The following RAI1 variants were observed in gnomAD, a reference collection of about 807,000 sequenced individuals.
RAI1 encodes the protein retinoic acid induced 1.
Under a neutral mutation model 123.8 loss-of-function variants are expected in RAI1, and 9 were observed. That is an observed-to-expected ratio of 0.07 (90% CI 0.04 to 0.13). The LOEUF is 0.13. Among genes scored for constraint, RAI1 ranks in the 10% least tolerant of loss-of-function variants. The pLI is 1.00. For synonymous variants in RAI1, 1,231 were observed against 1,127.3 expected (o/e 1.09, Z -1.84); for missense variants, 2,256 against 2,545.8 (o/e 0.89, Z 2.45).
chr17:17,708,427 CAT>C (rs57594840), intron 1 of RAI1, among the ~76,000 whole-genome samples: 61,374 of 151,322 alleles, frequency 0.41, 13,103 homozygotes, highest in Middle Eastern at 0.51. Context: ...CACACACACA[CAT>C]ATATATATAT....
rs1380725873 is a variant in RAI1, at chr17:17,714,903, G to T, written c.-148-9125G>T. Among the ~76,000 whole-genome samples, 1 of 152,260 alleles carries T rather than the reference G, an allele frequency of 6.6e-6. No individual in the cohort carries two copies. The highest frequency in any genetic ancestry group is 1.5e-5 in the Non-Finnish European group (1 of 68,052). ...CTCGGCCTAGGAGCTTTCTTGCTCA[G>T]CTTGGGGAGAGAGGTAGTAATGTCG... On this transcript the variant is annotated intron_variant, in intron 1 of 5. Transcript: ENST00000353383. This position sits in a 1 kb window ranked among gnomAD's most constrained non-coding sequence, Gnocchi z 4.9.
chr17:17,760,728 C>T (rs958623207), intron 2 of RAI1, among the ~76,000 whole-genome samples: 1 of 152,244 alleles, frequency 6.6e-6, no homozygotes, highest in Non-Finnish European at 1.5e-5. Flanking sequence ...AAAATGTGTT[C>T]CAGGTGCTGG....
In RAI1 at chr17:17,809,213, C is replaced by CGTGGA. The variant is rs140447784; in HGVS notation, c.5660-163_5660-159dup. ...GCCAGGCCAGGGGCCGCACCCGCGC[C>CGTGGA]GTGGAGTGGAGTGGAGTGTGGAGGG... On this transcript the variant is annotated intron_variant, in intron 4 of 5. Transcript: ENST00000353383. The surrounding 1 kb of genome is among the most constrained non-coding windows in gnomAD (Gnocchi z 4.9). The CGTGGA allele has an allele frequency of 3.2e-3, 2,311 of 719,732 alleles. 21 individuals are homozygous for CGTGGA. The highest frequency in any genetic ancestry group is 0.028 in the Middle Eastern group (118 of 4,214). 44.6% of individuals were successfully genotyped at this position (719,732 alleles called of 1,614,324 possible). A position where few individuals can be genotyped will look rare whatever the true frequency, so the allele number is the denominator to read the frequency against.
At chr17:17,762,994 G>A (rs2030769286) in intron 2 of RAI1, among the ~76,000 whole-genome samples, 1 of 151,912 alleles carries the variant, frequency 6.6e-6, no homozygotes, top group Admixed American at 6.6e-5. Flanking sequence ...GGGATTCCGA[G>A]GCCAGAGCTG....
At chr17:17,742,939 G>A (rs1916692378) in intron 2 of RAI1, among the ~76,000 whole-genome samples, 1 of 152,162 alleles carries the variant, frequency 6.6e-6, no homozygotes, top group Admixed American at 6.5e-5. Flanking sequence ...GTCTCTGTGG[G>A]GTGAATGTAG....
intron 1 of RAI1, among the ~76,000 whole-genome samples, chr17:17,696,393 TC>T (rs1915035225): frequency 6.6e-6 from 1 of 152,202 alleles, no homozygotes; most frequent in Non-Finnish European, 1.5e-5. Flanking sequence ...ACAGTTGTCT[TC>T]CCTCAACCCC....
Position 17,809,163 on chromosome 17 carries a change from G to T in RAI1, c.5660-227G>T, listed in dbSNP as rs774408237. 2 of 627,956 alleles carry T rather than the reference G, an allele frequency of 3.2e-6. No homozygotes were observed. Among genetic ancestry groups the T allele is most frequent in the African/African-American group, 1.8e-5 (1 of 54,720 alleles). 38.9% of individuals were successfully genotyped at this position (627,956 alleles called of 1,614,324 possible). A position where few individuals can be genotyped will look rare whatever the true frequency, so the allele number is the denominator to read the frequency against. On this transcript the variant is annotated intron_variant, in intron 4 of 5. Coordinates refer to ENST00000353383, the MANE Select transcript of RAI1 (RefSeq NM_030665.4). The surrounding 1 kb of genome is among the most constrained non-coding windows in gnomAD (Gnocchi z 4.9). ...GAACTCAGGGGGAAAAGCTCTCCGC[G>T]GAGGAGGTGAGGTGAGTCAAGACTG...
chr17:17,762,501 G>C (rs2030746155), intron 2 of RAI1, among the ~76,000 whole-genome samples: 1 of 152,156 alleles, frequency 6.6e-6, no homozygotes, highest in South Asian at 2.1e-4. Context: ...AGCAGCAAGG[G>C]AGCTTCCCCA....
rs2032258941 is a variant in RAI1, at chr17:17,796,570, C to G, written c.3622C>G (p.Pro1208Ala). The stretch of plus-strand genomic sequence containing the variant: ...GAGCCAGCGGGCAAGGGTCCCCAAA[C>G]CTGGTGCAGGCAGCAAGCTCTCTGA... ...RVSQRARVPK[P>A]GAGSKLSDRP... Residue 1208 changes from proline to alanine, a missense_variant, in exon 3 of 6, where the codon CCT (proline) becomes GCT (alanine). Physicochemically the swap from Pro to Ala is conservative, Grantham distance 27 (BLOSUM62 -1). Around this residue, in one of 7 missense-constraint regions of RAI1, gnomAD observed 322 missense variants for 358.0 expected, o/e 0.90. Coordinates refer to ENST00000353383, the MANE Select transcript of RAI1 (RefSeq NM_030665.4). The surrounding 1 kb of genome is among the most constrained non-coding windows in gnomAD (Gnocchi z 5.8). 6 of 1,611,528 alleles carry G rather than the reference C, an allele frequency of 3.7e-6. No individual in the cohort carries two copies. Among genetic ancestry groups the G allele is most frequent in the African/African-American group, 1.3e-5 (1 of 75,068 alleles).
chr17:17,702,590 G>A (rs868064460), intron 1 of RAI1, among the ~76,000 whole-genome samples: 7 of 152,336 alleles, frequency 4.6e-5, no homozygotes, highest in Middle Eastern at 3.4e-3. Context: ...CATCACAGCC[G>A]GGTAGACAGT....
In RAI1 at chr17:17,809,666, G is replaced by A. The variant is rs1191153749; in HGVS notation, c.5709+227G>A. ...CCGCCGAAAACCCGCAGGCGTCGGG[G>A]CATGGGCAGCCAGGGGCTGGAGGGC... On this transcript the variant is annotated intron_variant, in intron 5 of 5. Transcript: ENST00000353383. This position sits in a 1 kb window ranked among gnomAD's most constrained non-coding sequence, Gnocchi z 4.9. Among the ~76,000 whole-genome samples the A allele has an allele frequency of 6.6e-6, 1 of 152,142 alleles. No homozygotes were observed. The highest frequency in any genetic ancestry group is 1.5e-5 in the Non-Finnish European group (1 of 68,002).
intron 2 of RAI1, chr17:17,759,280 C>T (rs2030581627): frequency 6.6e-6 from 1 of 152,202 alleles, no homozygotes; most frequent in Non-Finnish European, 1.5e-5. Context: ...GTCAGAGTGG[C>T]CAACTACGAG....
chr17:17,798,070 C>T lies in RAI1; in HGVS notation c.5122C>T (p.Pro1708Ser), dbSNP rs2143003375. 2 of 1,614,106 alleles carry T rather than the reference C, an allele frequency of 1.2e-6. No homozygotes were observed. Among genetic ancestry groups the T allele is most frequent in the Non-Finnish European group, 1.7e-6 (2 of 1,180,044 alleles). The part of the protein sequence containing the change: ...DLGDLCGPYY[P>S]EHCLPKKKPK... ...TGGGGACCTCTGTGGGCCCTACTAC[C>T]CTGAACACTGCCTCCCCAAAAAGAA... is the stretch of plus-strand genomic sequence containing the variant. Residue 1708 changes from proline (P) to serine (S), a missense_variant, in exon 3 of 6, where the codon CCT (proline) becomes TCT (serine). By Grantham distance (74) the Pro-to-Ser change is moderately conservative (BLOSUM62 -1). Around this residue, in one of 7 missense-constraint regions of RAI1, gnomAD observed 243 missense variants for 316.6 expected, o/e 0.77. Coordinates refer to ENST00000353383, the MANE Select transcript of RAI1 (RefSeq NM_030665.4).
rs750105881 is a variant in RAI1 at position 17,796,652 on chromosome 17, A to G, written c.3704A>G (p.Lys1235Arg). ...GCCTTCATGGCGCCGGTCCCCACCA[A>G]GAAGCGGAACCTGGTCTTGCGGAGC... ...KSAFMAPVPT[K>R]KRNLVLRSRS... is the part of the protein sequence containing the mutation. Residue 1235 changes from lysine to arginine, a missense_variant, in exon 3 of 6, where the codon AAG (lysine) becomes AGG (arginine). Physicochemically the swap from Lys to Arg is conservative, Grantham distance 26. Around this residue, in one of 7 missense-constraint regions of RAI1, gnomAD observed 322 missense variants for 358.0 expected, o/e 0.90. Coordinates refer to ENST00000353383, the MANE Select transcript of RAI1 (RefSeq NM_030665.4). The surrounding 1 kb of genome is among the most constrained non-coding windows in gnomAD (Gnocchi z 5.8). 6.2e-7 allele frequency: 1 copy of G among 1,612,204 alleles called. No homozygotes were observed.
chr17:17,704,343 A>T (rs1188437328), intron 1 of RAI1, among the ~76,000 whole-genome samples: 3 of 152,198 alleles, frequency 2.0e-5, no homozygotes, highest in African/African-American at 7.2e-5. Flanking sequence ...GACTGGCCAC[A>T]TCATCTCCAG....
intron 2 of RAI1, among the ~76,000 whole-genome samples, chr17:17,738,601 G>A (rs1358940253): frequency 6.6e-6 from 1 of 152,204 alleles, no homozygotes; most frequent in South Asian, 2.1e-4. Flanking sequence ...AATGAGCCTG[G>A]GGTCCACCCC....
At chr17:17,704,434 C>T (rs1447752508) in intron 1 of RAI1, among the ~76,000 whole-genome samples, 2 of 152,140 alleles carry the variant, frequency 1.3e-5, no homozygotes, top group African/African-American at 2.4e-5. Flanking sequence ...CAGAATGGCC[C>T]TCCATGTGGG....
chr17:17,781,318 G>A (rs1407049971), intron 2 of RAI1, among the ~76,000 whole-genome samples: 2 of 152,206 alleles, frequency 1.3e-5, no homozygotes, highest in Non-Finnish European at 2.9e-5. Flanking sequence ...ATGCCTGTGG[G>A]TCTCCAGGAT....
rs998467869 is a variant in RAI1 at position 17,809,972 on chromosome 17, G to A, written c.5712G>A (p.Arg1904=). 5 of 1,553,666 alleles carry A rather than the reference G, an allele frequency of 3.2e-6. No homozygotes were observed. The highest frequency in any genetic ancestry group is 3.9e-5 in the Admixed American group (2 of 51,516). ...TGGCGGGCGGGCGTCTTTTGCAGAGGCTGCCGTAGTAATCCACCCCAACGG... is the reference window on the plus strand; with the variant it reads ...TGGCGGGCGGGCGTCTTTTGCAGAGACTGCCGTAGTAATCCACCCCAACGG... ...NFSLKCPKHK[R]LP is the part of the protein sequence containing the mutation. The change falls in exon 6 of 6, where the codon AGG becomes AGA. Residue 1904 remains arginine, a splice_region_variant and synonymous_variant. Transcript: ENST00000353383. This position sits in a 1 kb window ranked among gnomAD's most constrained non-coding sequence, Gnocchi z 4.9.
Sources: gnomAD v4.1 joint callset for allele counts (sites outside exome capture counted in the v4.1 genomes callset) on GRCh38, gnomAD v4.1.1 for gene constraint, gnomAD v4.1.1 regional missense constraint, Gnocchi (gnomAD v3.1) non-coding constraint, MANE v1.5 for transcripts, NCBI Gene and HGNC (gene_info 2026-07-23, HGNC 2026-07-21) for gene names.